Variants in PPP1R7 observed in about 807,000 individuals in gnomAD.
PPP1R7 encodes the protein protein phosphatase 1 regulatory subunit 22.
Under a neutral mutation model 45.2 loss-of-function variants are expected in PPP1R7, and 18 were observed. The observed-to-expected ratio is 0.40, with a 90% CI of 0.28 to 0.59. The LOEUF is 0.59. Ranked by LOEUF, PPP1R7 falls within the 20% of genes least tolerant of loss-of-function variation. PPP1R7 has a pLI of 0.46. For synonymous variants in PPP1R7, 181 were observed against 183.4 expected, an observed-to-expected ratio of 0.99 and a Z score of 0.11; for missense variants, 314 against 455.8, an observed-to-expected ratio of 0.69 and a Z score of 2.83.
chr2:241,159,776 A>C (rs1411850506), intron 5 of PPP1R7, among the ~76,000 whole-genome samples: 2 of 152,140 alleles, frequency 1.3e-5, no homozygotes, highest in African/African-American at 4.8e-5. Context: ...CATACCTGTA[A>C]TCTCAGTGCT....
At chr2:241,180,737 C>T (rs1201351781) in intron 9 of PPP1R7, among the ~76,000 whole-genome samples, 1 of 138,444 alleles carries the variant, frequency 7.2e-6, no homozygotes, top group Non-Finnish European at 1.5e-5. Flanking sequence ...GCTCACGTCC[C>T]GTCCACATGG....
intron 9 of PPP1R7, among the ~76,000 whole-genome samples, chr2:241,177,350 G>C (rs926813888): frequency 2.6e-5 from 4 of 152,042 alleles, no homozygotes; most frequent in African/African-American, 9.7e-5. Context: ...CTGGGAGGCA[G>C]AGGTTGCAGT....
chr2:241,165,393 C>T (rs1303521082), intron 7 of PPP1R7, among the ~76,000 whole-genome samples: 1 of 151,842 alleles, frequency 6.6e-6, no homozygotes, highest in African/African-American at 2.4e-5. Context: ...TCTCAAACTC[C>T]TGACCTCAGG....
chr2:241,180,497 C>T (rs2067984220), intron 9 of PPP1R7, among the ~76,000 whole-genome samples: 1 of 151,336 alleles, frequency 6.6e-6, no homozygotes, highest in Non-Finnish European at 1.5e-5. Flanking sequence ...AGGCCATTTA[C>T]AGCCTGCAGG....
chr2:241,176,876 C>T (rs1035234416), intron 9 of PPP1R7, among the ~76,000 whole-genome samples: 13 of 152,176 alleles, frequency 8.5e-5, no homozygotes, highest in Non-Finnish European at 1.5e-4. Flanking sequence ...CAGGCACTCT[C>T]GTGACTACGG....
At chr2:241,164,503 C>T (rs1486535538) in intron 7 of PPP1R7, among the ~76,000 whole-genome samples, 1 of 152,144 alleles carries the variant, frequency 6.6e-6, no homozygotes, top group East Asian at 1.9e-4. Context: ...GGGGACGAGG[C>T]CCGGTATGGT....
intron 9 of PPP1R7, among the ~76,000 whole-genome samples, chr2:241,175,296 CTTATA>C (rs1255198558): frequency 6.6e-6 from 1 of 152,220 alleles, no homozygotes; most frequent in Non-Finnish European, 1.5e-5. Context: ...CTCTTTTCAA[CTTATA>C]AAACTGGAAC....
chr2:241,178,149 G>A (rs1277076454), intron 9 of PPP1R7, among the ~76,000 whole-genome samples: 1 of 152,234 alleles, frequency 6.6e-6, no homozygotes, highest in East Asian at 1.9e-4. Flanking sequence ...GGGGCTGCTC[G>A]AGGAGAGGCT....
upstream of PPP1R7, chr2:241,150,056 T>G: frequency 7.4e-7 from 1 of 1,355,658 alleles, no homozygotes; most frequent in South Asian, 1.6e-5. Flanking sequence ...AGGTCAGGGA[T>G]GCACGTAGGA....
At chr2:241,158,406 C>A in intron 3 of PPP1R7, 78 bp from the exon 4 acceptor site, 1 of 1,435,636 alleles carries the variant, frequency 7.0e-7, no homozygotes, top group Non-Finnish European at 9.8e-7. Context: ...CTGCCCACTT[C>A]CAGGCCGCCT....
chr2:241,176,069 T>C (rs1021995520), intron 9 of PPP1R7, among the ~76,000 whole-genome samples: 1 of 152,216 alleles, frequency 6.6e-6, no homozygotes, highest in Non-Finnish European at 1.5e-5. Context: ...TGAGCCACTA[T>C]GTCTGGACCA....
Position 241,157,930 on chromosome 2 carries a change from A to C in PPP1R7, c.237+68A>C, listed in dbSNP as rs935339910. On this transcript the variant is annotated intron_variant, in intron 3 of 9. Coordinates refer to ENST00000234038, the MANE Select transcript of PPP1R7 (RefSeq NM_002712.3). ...CCACCCTGTCAGGTTATCTTGTATG[A>C]GATTAGTAAGTTATTTCCCTAGAGA... The C allele has an allele frequency of 9.3e-6, 14 of 1,500,586 alleles. No individual in the cohort carries two copies. The Admixed American group carries it at 2.4e-4, about 26-fold the overall frequency. 93.0% of individuals were successfully genotyped at this position (1,500,586 alleles called of 1,614,324 possible).
intron 9 of PPP1R7, among the ~76,000 whole-genome samples, chr2:241,182,084 AT>A (rs2068016464): frequency 6.6e-6 from 1 of 152,052 alleles, no homozygotes; most frequent in African/African-American, 2.4e-5. Context: ...AGATGGTAAA[AT>A]GTAGCCTGCA....
At chr2:241,153,436 T>A (rs1215049339) in intron 1 of PPP1R7, 40 bp from the exon 2 acceptor site, 1 of 1,612,314 alleles carries the variant, frequency 6.2e-7, no homozygotes, top group Non-Finnish European at 8.5e-7. Context: ...CAAAGTCCCA[T>A]AAAGTGGATG....
intron 5 of PPP1R7, 97 bp from the exon 6 acceptor site, chr2:241,160,235 C>T (rs1460083188): frequency 2.2e-6 from 2 of 911,064 alleles, no homozygotes; most frequent in East Asian, 3.0e-5. Context: ...TGACTGCCGT[C>T]CCCTGATGGG....
At chr2:241,177,750 C>A (rs994134989) in intron 9 of PPP1R7, among the ~76,000 whole-genome samples, 12 of 152,192 alleles carry the variant, frequency 7.9e-5, no homozygotes, top group African/African-American at 2.9e-4. Context: ...CTCAGGCCCC[C>A]ACCCTCTTCC....
At chr2:241,163,107 C>T (rs549793330) in intron 6 of PPP1R7, among the ~76,000 whole-genome samples, 178 bp from the exon 7 acceptor site, 18 of 152,158 alleles carry the variant, frequency 1.2e-4, no homozygotes, top group Admixed American at 9.2e-4. Flanking sequence ...GTCTTGGACT[C>T]GCCACTATTG....
chr2:241,151,652 C>T (rs2067310488), intron 1 of PPP1R7: 1 of 444,834 alleles, frequency 2.2e-6, no homozygotes, highest in African/African-American at 2.0e-5. Context: ...TAAGAAGCGC[C>T]TCTTCATATC....
chr2:241,158,660 C>G lies in PPP1R7; in HGVS notation c.303+111C>G, dbSNP rs562746702. 4 of 1,063,886 alleles carry G rather than the reference C, an allele frequency of 3.8e-6. No homozygotes were observed. The African/African-American group carries it at 6.2e-5, about 17-fold the overall frequency. The allele number at this position is 1,063,886 out of a possible 1,614,324, so 65.9% of individuals were successfully genotyped here. A position where few individuals can be genotyped will look rare whatever the true frequency, so the allele number is the denominator to read the frequency against. ...GGTCCTTGTCCCAGCCTGTGGGCGG[C>G]GTGGCTGCCTCCACCTTGTAGCAGG... is the stretch of plus-strand genomic sequence containing the variant. On this transcript the variant is annotated intron_variant, in intron 4 of 9. Transcript: ENST00000234038.
Sources: gnomAD v4.1 joint callset for allele counts (sites outside exome capture counted in the v4.1 genomes callset) on GRCh38, gnomAD v4.1.1 for gene constraint, MANE v1.5 for transcripts, NCBI Gene and HGNC (gene_info 2026-07-23, HGNC 2026-07-21) for gene names.